Variants in CACNA2D3 observed in about 807,000 individuals in gnomAD.
CACNA2D3 encodes the protein calcium voltage-gated channel auxiliary subunit alpha2delta 3, also known as voltage-dependent calcium channel subunit alpha-2/delta-3.
In CACNA2D3, 60 loss-of-function variants were observed where a neutral mutation model predicts 160.6. The ratio of observed to expected loss-of-function variants is 0.37; its 90% CI spans 0.30 to 0.46. The LOEUF (loss-of-function observed/expected upper bound fraction) is 0.46, where lower values mean the gene tolerates loss of function less well. CACNA2D3 is among the 20% of genes least tolerant of loss of function. The pLI is 1.00. For synonymous variants in CACNA2D3, 558 were observed against 492.9 expected (o/e 1.13, Z -1.75); for missense variants, 1,205 against 1,365.0 (o/e 0.88, Z 1.85).
intron 17 of CACNA2D3, among the ~76,000 whole-genome samples, chr3:54,867,614 A>G (rs1360138691): frequency 1.3e-5 from 2 of 151,700 alleles, no homozygotes; most frequent in Non-Finnish European, 2.9e-5. Context: ...GATTTCAGGT[A>G]CAGCCTGATC....
chr3:54,583,256 C>T (rs906115364), intron 9 of CACNA2D3, among the ~76,000 whole-genome samples: 1 of 152,006 alleles, frequency 6.6e-6, no homozygotes, highest in Non-Finnish European at 1.5e-5. Flanking sequence ...CAGATTGCTT[C>T]CCAGAGGAAC....
At chr3:54,931,828 C>T (rs749177532) in intron 27 of CACNA2D3, among the ~76,000 whole-genome samples, 1 of 152,144 alleles carries the variant, frequency 6.6e-6, no homozygotes, top group Non-Finnish European at 1.5e-5. Flanking sequence ...ATAAAATTGA[C>T]AATGTCTTGA....
At chr3:54,897,395 A>T (rs554949477) in intron 26 of CACNA2D3, among the ~76,000 whole-genome samples, 1 of 152,338 alleles carries the variant, frequency 6.6e-6, no homozygotes, top group African/African-American at 2.4e-5. Context: ...TTATGATATG[A>T]TAGTATAAAA....
At chr3:54,458,594 G>A (rs1445074958) in intron 4 of CACNA2D3, among the ~76,000 whole-genome samples, 4 of 151,750 alleles carry the variant, frequency 2.6e-5, no homozygotes, top group East Asian at 3.9e-4. Flanking sequence ...GCTGTGTTTA[G>A]CATTCTCTCT....
intron 2 of CACNA2D3, among the ~76,000 whole-genome samples, chr3:54,289,658 TACAA>T (rs1703133070): frequency 1.3e-5 from 2 of 152,184 alleles, no homozygotes; most frequent in Non-Finnish European, 2.9e-5. Context: ...CTTCAAACTA[TACAA>T]CAAGGCTACA....
At chr3:55,042,643 T>C (rs1035197130) in intron 35 of CACNA2D3, among the ~76,000 whole-genome samples, 5 of 152,222 alleles carry the variant, frequency 3.3e-5, no homozygotes, top group Admixed American at 3.3e-4. Context: ...TTCAATTTAC[T>C]CGTGATAAAA....
At chr3:54,400,759 A>G (rs2106697361) in intron 4 of CACNA2D3, among the ~76,000 whole-genome samples, 1 of 152,298 alleles carries the variant, frequency 6.6e-6, no homozygotes, top group East Asian at 1.9e-4. Flanking sequence ...TTTCCCTATA[A>G]AAGCCAGTCT....
chr3:54,469,501 A>G (rs1429502750), intron 4 of CACNA2D3, among the ~76,000 whole-genome samples: 3 of 151,932 alleles, frequency 2.0e-5, no homozygotes, highest in Non-Finnish European at 4.4e-5. Context: ...TGAAAATTCC[A>G]AAAACCAGAA....
chr3:54,876,999 T>G (rs1281955375), intron 18 of CACNA2D3: 1 of 152,064 alleles, frequency 6.6e-6, no homozygotes, highest in East Asian at 1.9e-4. Context: ...AACTTGAACA[T>G]CGATATCGTG....
intron 27 of CACNA2D3, among the ~76,000 whole-genome samples, chr3:54,904,918 G>A (rs1420590751): frequency 6.6e-6 from 1 of 152,110 alleles, no homozygotes; most frequent in African/African-American, 2.4e-5. Flanking sequence ...ATTGTTTTGT[G>A]TCCCATCCCA....
chr3:54,858,025 G>A (rs138845174), intron 17 of CACNA2D3, among the ~76,000 whole-genome samples: 1 of 151,546 alleles, frequency 6.6e-6, no homozygotes, highest in Non-Finnish European at 1.5e-5. Context: ...ATGAGGAAAA[G>A]GCTTTTCTTT....
intron 13 of CACNA2D3, among the ~76,000 whole-genome samples, chr3:54,765,156 C>G (rs756881857): frequency 6.6e-6 from 1 of 152,154 alleles, no homozygotes; most frequent in Non-Finnish European, 1.5e-5. Context: ...ATCTCAATGG[C>G]TGTCATGGGT....
At chr3:54,955,302 G>T (rs9821607) in intron 27 of CACNA2D3, among the ~76,000 whole-genome samples, 2 of 152,040 alleles carry the variant, frequency 1.3e-5, no homozygotes, top group Admixed American at 6.6e-5. Context: ...ATAATGTCCC[G>T]CAGGTAATCT....
At chr3:54,559,731 C>T (rs1702296326) in intron 5 of CACNA2D3, among the ~76,000 whole-genome samples, 1 of 152,100 alleles carries the variant, frequency 6.6e-6, no homozygotes, top group Non-Finnish European at 1.5e-5. Flanking sequence ...TTCCTAATCC[C>T]CTCCGTCCTC....
intron 2 of CACNA2D3, among the ~76,000 whole-genome samples, chr3:54,221,557 T>C (rs1351176805): frequency 1.3e-5 from 2 of 152,222 alleles, no homozygotes; most frequent in Non-Finnish European, 2.9e-5. Context: ...ACATGAATTA[T>C]TAAATTAACA....
intron 4 of CACNA2D3, among the ~76,000 whole-genome samples, chr3:54,409,194 C>T (rs1699625572): frequency 6.6e-6 from 1 of 152,186 alleles, no homozygotes; most frequent in South Asian, 2.1e-4. Context: ...ATGCTCACGT[C>T]ATGTCTTTGT....
At chr3:54,698,035 A>G (rs1309866726) in intron 11 of CACNA2D3, among the ~76,000 whole-genome samples, 2 of 152,202 alleles carry the variant, frequency 1.3e-5, no homozygotes, top group African/African-American at 4.8e-5. Flanking sequence ...ATTTTTAGCT[A>G]TTGTCATTTT....
chr3:54,210,048 C>T (rs907124661), intron 2 of CACNA2D3, among the ~76,000 whole-genome samples: 5 of 152,094 alleles, frequency 3.3e-5, no homozygotes, highest in African/African-American at 1.2e-4. Context: ...AAGATCCATA[C>T]CTTGATGGGG....
intron 27 of CACNA2D3, among the ~76,000 whole-genome samples, chr3:54,922,395 C>T (rs1021031694): frequency 6.6e-6 from 1 of 150,924 alleles, no homozygotes; most frequent in African/African-American, 2.4e-5. Flanking sequence ...CCTGTGCTTA[C>T]AATTTAATCC....
Sources: gnomAD v4.1 joint callset for allele counts (sites outside exome capture counted in the v4.1 genomes callset) on GRCh38, gnomAD v4.1.1 for gene constraint, MANE v1.5 for transcripts, NCBI Gene and HGNC (gene_info 2026-07-23, HGNC 2026-07-21) for gene names.